STAG1: variants seen among roughly 807,000 people sequenced by gnomAD.
STAG1 encodes the protein STAG1 cohesin complex component.
A neutral mutation model predicts 170.9 loss-of-function variants in STAG1; 26 were observed. That is an observed-to-expected ratio of 0.15 (90% CI 0.11 to 0.21). STAG1 has a LOEUF of 0.21. Among genes scored for constraint, STAG1 ranks in the 10% least tolerant of loss-of-function variants. STAG1 has a pLI of 1.00. For synonymous variants in STAG1, 514 were observed against 497.7 expected, an observed-to-expected ratio of 1.03 and a Z score of -0.44; for missense variants, 964 against 1,509.5, an observed-to-expected ratio of 0.64 and a Z score of 5.99.
At chr3:136,485,243 G>C (rs1194102369) in intron 9 of STAG1, among the ~76,000 whole-genome samples, 1 of 152,156 alleles carries the variant, frequency 6.6e-6, no homozygotes, top group African/African-American at 2.4e-5. Flanking sequence ...AGATCACGAA[G>C]TCAGGAGATC....
At position 136,523,053 on chromosome 3, in the gene STAG1, G is replaced by C. The variant is rs150933206; in HGVS notation, c.472-1636C>G. Reference sequence around the variant, plus strand: ...TACGTGTGCATAGGTCTTTATAGCAGCATGATTTATAATCCTTTGGATAGA... The same window carrying C: ...TACGTGTGCATAGGTCTTTATAGCACCATGATTTATAATCCTTTGGATAGA... On this transcript the variant is annotated intron_variant, in intron 6 of 33. Coordinates refer to ENST00000383202, the MANE Select transcript of STAG1 (RefSeq NM_005862.3). Among the ~76,000 whole-genome samples the C allele has an allele frequency of 6.4e-3, 981 of 152,254 alleles. 12 individuals are homozygous for C. The highest frequency in any genetic ancestry group is 0.022 in the African/African-American group (933 of 41,542).
At chr3:136,368,886 C>T (rs1001024360) in intron 24 of STAG1, among the ~76,000 whole-genome samples, 2 of 152,070 alleles carry the variant, frequency 1.3e-5, no homozygotes, top group Admixed American at 1.3e-4. Context: ...GACAAGGTCT[C>T]GCCATATTGC....
chr3:136,746,806 T>C (rs1466293810), intron 1 of STAG1, among the ~76,000 whole-genome samples: 1 of 151,506 alleles, frequency 6.6e-6, no homozygotes, highest in Admixed American at 6.6e-5. Context: ...ATACAAAAAT[T>C]AGCCAGGCAG....
At chr3:136,440,834 A>G (rs937062744) in intron 15 of STAG1, among the ~76,000 whole-genome samples, 7 of 152,014 alleles carry the variant, frequency 4.6e-5, no homozygotes, top group Non-Finnish European at 8.8e-5. Context: ...TACTGAAAAT[A>G]CAAAAAAAAT....
chr3:136,499,171 A>G (rs1325085929), intron 9 of STAG1, among the ~76,000 whole-genome samples: 2 of 152,208 alleles, frequency 1.3e-5, no homozygotes, highest in African/African-American at 2.4e-5. Context: ...TTCAAAGGTC[A>G]GCTGTGTATG....
intron 5 of STAG1, among the ~76,000 whole-genome samples, chr3:136,551,522 C>T (rs1936404088): frequency 6.7e-6 from 1 of 148,436 alleles, no homozygotes; most frequent in Non-Finnish European, 1.5e-5. Context: ...TGAAGCGATG[C>T]CCCCACCTCG....
intron 7 of STAG1, among the ~76,000 whole-genome samples, chr3:136,505,039 A>G (rs563010484): frequency 6.6e-6 from 1 of 152,348 alleles, no homozygotes; most frequent in South Asian, 2.1e-4. Context: ...ATTGAATAAC[A>G]CATAAACAGC....
rs546850069 is a variant in STAG1, at chr3:136,454,417, C to T, written c.1314-2270G>A. Among the ~76,000 whole-genome samples, 5 of 151,582 alleles carry T rather than the reference C, an allele frequency of 3.3e-5. No homozygotes were observed. In the South Asian group the frequency reaches 6.2e-4, roughly 19 times the overall value. On this transcript the variant is annotated intron_variant, in intron 13 of 33. Transcript: ENST00000383202. Reference sequence around the variant, plus strand: ...TTTTTGAGATGAAGTCTCACTCTGTCGGCCTGGCTGGACGGCAATGGCATG... The same window carrying T: ...TTTTTGAGATGAAGTCTCACTCTGTTGGCCTGGCTGGACGGCAATGGCATG...
intron 22 of STAG1, among the ~76,000 whole-genome samples, chr3:136,389,197 TAAG>T (rs2086944854): frequency 1.3e-5 from 2 of 152,238 alleles, no homozygotes; most frequent in African/African-American, 2.4e-5. Context: ...TTAAATGTCT[TAAG>T]AAGTTTGGAT....
rs551121491 is a variant in STAG1 at position 136,409,405 on chromosome 3, C to T, written c.2196+8480G>A. ...AGGATGGAGTGCAGTGGCATGATTTCGGCTCACTGCAACCTCTGCCTCCCA... is the reference window on the plus strand; with the variant it reads ...AGGATGGAGTGCAGTGGCATGATTTTGGCTCACTGCAACCTCTGCCTCCCA... On this transcript the variant is annotated intron_variant, in intron 21 of 33. Coordinates refer to ENST00000383202, the MANE Select transcript of STAG1 (RefSeq NM_005862.3). Among the ~76,000 whole-genome samples, 8 of 151,942 alleles carry T rather than the reference C, an allele frequency of 5.3e-5. No individual in the cohort carries two copies. In the East Asian group the frequency reaches 1.2e-3, roughly 22 times the overall value.
intron 14 of STAG1, among the ~76,000 whole-genome samples, chr3:136,451,818 T>C (rs1250687311): frequency 6.6e-6 from 1 of 152,016 alleles, no homozygotes; most frequent in East Asian, 1.9e-4. Context: ...GTTTAACAAT[T>C]GCCAGTCTGT....
intron 7 of STAG1, among the ~76,000 whole-genome samples, chr3:136,519,503 T>A (rs1934556926): frequency 6.6e-6 from 1 of 152,148 alleles, no homozygotes; most frequent in African/African-American, 2.4e-5. Flanking sequence ...CAAAGTTGGT[T>A]ATTTACAAGC....
intron 6 of STAG1, among the ~76,000 whole-genome samples, chr3:136,526,888 A>C (rs1260095332): frequency 6.6e-6 from 1 of 152,138 alleles, no homozygotes; most frequent in Non-Finnish European, 1.5e-5. Flanking sequence ...CTGGGTTGAA[A>C]ATTCTTTTCT....
intron 1 of STAG1, among the ~76,000 whole-genome samples, chr3:136,660,636 T>C (rs2107864700): frequency 6.6e-6 from 1 of 152,286 alleles, no homozygotes; most frequent in Non-Finnish European, 1.5e-5. Flanking sequence ...TCATACACAT[T>C]CTAAGTTTCC....
chr3:136,379,204 G>A (rs943260374), intron 22 of STAG1, among the ~76,000 whole-genome samples: 1 of 152,096 alleles, frequency 6.6e-6, no homozygotes. Context: ...AATACACTGA[G>A]GGAAACAGAT....
chr3:136,400,680 C>G (rs1320904143), intron 21 of STAG1, among the ~76,000 whole-genome samples: 1 of 151,946 alleles, frequency 6.6e-6, no homozygotes, highest in Non-Finnish European at 1.5e-5. Context: ...GGATTACAGG[C>G]GCCTGCCACC....
chr3:136,726,580 T>G (rs961691647), intron 1 of STAG1, among the ~76,000 whole-genome samples: 5 of 152,138 alleles, frequency 3.3e-5, no homozygotes, highest in Admixed American at 2.6e-4. Flanking sequence ...TGCGCCACCT[T>G]GCCTAGCTAA....
chr3:136,705,268 C>T (rs955650637), intron 1 of STAG1, among the ~76,000 whole-genome samples: 2 of 151,938 alleles, frequency 1.3e-5, no homozygotes, highest in Admixed American at 6.6e-5. Context: ...CCCAGCTATA[C>T]ACCATGAACA....
intron 22 of STAG1, among the ~76,000 whole-genome samples, chr3:136,390,270 C>T (rs749248773): frequency 3.3e-5 from 5 of 152,082 alleles, no homozygotes; most frequent in Non-Finnish European, 5.9e-5. Context: ...TTTTCTAAAT[C>T]GAAGATATTT....
Sources: gnomAD v4.1 joint callset for allele counts (sites outside exome capture counted in the v4.1 genomes callset) on GRCh38, gnomAD v4.1.1 for gene constraint, MANE v1.5 for transcripts, NCBI Gene and HGNC (gene_info 2026-07-23, HGNC 2026-07-21) for gene names.